MGAT4C: variants seen among roughly 807,000 people sequenced by gnomAD.
The protein encoded by MGAT4C is alpha-1,3-mannosyl-glycoprotein 4-beta-N-acetylglucosaminyltransferase C.
MGAT4C carries 19 observed loss-of-function variants against 40.1 expected under a neutral mutation model. The ratio of observed to expected loss-of-function variants is 0.47; its 90% CI spans 0.33 to 0.70. MGAT4C has a LOEUF of 0.70. Among genes scored for constraint, MGAT4C ranks in the 30% least tolerant of loss-of-function variants. The pLI is 0.02. For missense variants in MGAT4C, 491 were observed against 563.2 expected (o/e 0.87, Z 1.30); for synonymous variants, 181 against 187.1 (o/e 0.97, Z 0.27).
intron 2 of MGAT4C, chr12:86,001,636 G>C: frequency 1.0e-6 from 1 of 984,216 alleles, no homozygotes; most frequent in Non-Finnish European, 1.2e-6. Context: ...CAGAGGCTGA[G>C]TTAGTCCTGT....
At chr12:86,454,057 TA>T (rs1957470095) in intron 2 of MGAT4C, among the ~76,000 whole-genome samples, 3 of 152,018 alleles carry the variant, frequency 2.0e-5, no homozygotes, top group Admixed American at 6.6e-5. Flanking sequence ...AAAGAGCCAA[TA>T]AAAGGCTCAG....
chr12:86,336,413 A>G (rs1180083818), intron 3 of MGAT4C, among the ~76,000 whole-genome samples: 1 of 152,148 alleles, frequency 6.6e-6, no homozygotes. Context: ...TTTCTTTCAC[A>G]TTCTCAGGTG....
At chr12:86,657,828 G>C (rs1401806640) in intron 2 of MGAT4C, among the ~76,000 whole-genome samples, 3 of 151,798 alleles carry the variant, frequency 2.0e-5, no homozygotes, top group Non-Finnish European at 4.4e-5. Flanking sequence ...TCACTGAAAA[G>C]GCACCATATT....
intron 2 of MGAT4C, among the ~76,000 whole-genome samples, chr12:86,468,393 A>T (rs1957711893): frequency 6.6e-6 from 1 of 151,872 alleles, no homozygotes; most frequent in African/African-American, 2.4e-5. Flanking sequence ...TCATATCTTC[A>T]TTGCTAGCAC....
intron 1 of MGAT4C, among the ~76,000 whole-genome samples, chr12:86,766,872 T>A (rs1243431469): frequency 6.6e-6 from 1 of 150,864 alleles, no homozygotes; most frequent in Non-Finnish European, 1.5e-5. Context: ...CAAAGCAGTG[T>A]GTAGAGGGAA....
intron 2 of MGAT4C, among the ~76,000 whole-genome samples, chr12:86,690,312 AGGGC>A (rs1259440666): frequency 3.3e-5 from 5 of 152,154 alleles, no homozygotes; most frequent in Non-Finnish European, 7.4e-5. Flanking sequence ...TCCTCTCTCC[AGGGC>A]AGTGAATGAT....
At chr12:86,825,433 A>C (rs948489202) in intron 1 of MGAT4C, among the ~76,000 whole-genome samples, 1 of 151,346 alleles carries the variant, frequency 6.6e-6, no homozygotes. Context: ...AAACATAAAG[A>C]AGCAGAGTTT....
rs1431431177 is a variant in MGAT4C, at chr12:85,978,002, C to T, written c.*1287G>A. 1 of 151,474 alleles carries T rather than the reference C, an allele frequency of 6.6e-6. No individual in the cohort carries two copies. The highest frequency in any genetic ancestry group is 2.4e-5 in the African/African-American group (1 of 41,336). 9.4% of individuals were successfully genotyped at this position (151,474 alleles called of 1,614,324 possible). On this transcript the variant is annotated 3_prime_UTR_variant, in exon 5 of 5. Transcript: ENST00000611864. ...ATGTCTTTAGGACACACTAAGGTGTCCTGAATTACTTTAACGGACACATTG... is the reference window on the plus strand; with the variant it reads ...ATGTCTTTAGGACACACTAAGGTGTTCTGAATTACTTTAACGGACACATTG...
intron 3 of MGAT4C, among the ~76,000 whole-genome samples, chr12:86,346,502 G>A (rs1566307414): frequency 6.6e-6 from 1 of 152,204 alleles, no homozygotes; most frequent in East Asian, 1.9e-4. Context: ...TGGGATTACA[G>A]GTGTAAGCCA....
At chr12:86,643,200 C>T (rs1963440757) in intron 2 of MGAT4C, among the ~76,000 whole-genome samples, 2 of 151,642 alleles carry the variant, frequency 1.3e-5, no homozygotes, top group African/African-American at 2.4e-5. Flanking sequence ...TGATAATGAA[C>T]CCACAATAAC....
intron 2 of MGAT4C, among the ~76,000 whole-genome samples, chr12:86,469,593 A>G (rs922302868): frequency 6.6e-6 from 1 of 152,134 alleles, no homozygotes; most frequent in Non-Finnish European, 1.5e-5. Flanking sequence ...AGACTGTTAG[A>G]TTGGTACCAA....
At chr12:86,088,569 CACAA>C (rs1439685019) in intron 1 of MGAT4C, among the ~76,000 whole-genome samples, 2 of 152,046 alleles carry the variant, frequency 1.3e-5, no homozygotes, top group East Asian at 1.9e-4. Flanking sequence ...GGGCAAAGGA[CACAA>C]ACAGACACTT....
chr12:86,199,234 T>G (rs1949942292), intron 1 of MGAT4C, among the ~76,000 whole-genome samples: 1 of 152,076 alleles, frequency 6.6e-6, no homozygotes, highest in Admixed American at 6.6e-5. Context: ...CGTGGAATCC[T>G]CAGGGATAGA....
chr12:86,196,604 A>C (rs1949815997), intron 1 of MGAT4C, among the ~76,000 whole-genome samples: 2 of 152,190 alleles, frequency 1.3e-5, no homozygotes, highest in East Asian at 1.9e-4. Flanking sequence ...AAGCCAGTTA[A>C]TTCTATTGTC....
At chr12:86,611,358 C>T (rs752846492) in intron 2 of MGAT4C, among the ~76,000 whole-genome samples, 2 of 151,674 alleles carry the variant, frequency 1.3e-5, no homozygotes, top group Non-Finnish European at 2.9e-5. Context: ...GATAGACAGG[C>T]AGACAGACAA....
intron 3 of MGAT4C, among the ~76,000 whole-genome samples, chr12:86,375,505 T>G (rs1955807275): frequency 6.6e-6 from 1 of 152,134 alleles, no homozygotes; most frequent in African/African-American, 2.4e-5. Flanking sequence ...CTAATCAATC[T>G]GTTTCTTAAA....
rs573627803 is a variant in MGAT4C at position 86,767,545 on chromosome 12, T to C, written c.-261-40304A>G. On this transcript the variant is annotated intron_variant, in intron 1 of 7. Transcript: ENST00000548651. ...GCCAGCATCATCCTGATACCAAAGCTGGGCAGAGACACAACCAAAAAAGAG... is the reference window on the plus strand; with the variant it reads ...GCCAGCATCATCCTGATACCAAAGCCGGGCAGAGACACAACCAAAAAAGAG... Among the ~76,000 whole-genome samples, 8 of 152,128 alleles carry C rather than the reference T, an allele frequency of 5.3e-5. No individual in the cohort carries two copies. The South Asian group carries it at 8.3e-4, about 16-fold the overall frequency.
At chr12:86,028,089 T>C in intron 2 of MGAT4C, 9 of 1,272,934 alleles carry the variant, frequency 7.1e-6, no homozygotes, top group Non-Finnish European at 9.2e-6. Context: ...ATCAACTACC[T>C]TTTCTAAATA....
At chr12:86,323,862 C>T (rs965379235) in intron 4 of MGAT4C, among the ~76,000 whole-genome samples, 1 of 151,802 alleles carries the variant, frequency 6.6e-6, no homozygotes, top group African/African-American at 2.4e-5. Context: ...AAATCTTTGC[C>T]ACTAGCCTAA....
Sources: allele counts gnomAD v4.1 joint callset (sites outside exome capture counted in the v4.1 genomes callset), GRCh38; gene constraint gnomAD v4.1.1; transcripts MANE v1.5; gene names NCBI Gene and HGNC (gene_info 2026-07-23, HGNC 2026-07-21).